Variants in TMEM132D observed in about 807,000 individuals in gnomAD.
The protein encoded by TMEM132D is mature OL transmembrane protein.
Under a neutral mutation model 62.3 loss-of-function variants are expected in TMEM132D, and 21 were observed. That is an observed-to-expected ratio of 0.34 (90% CI 0.24 to 0.49). TMEM132D has a LOEUF of 0.49. Among genes scored for constraint, TMEM132D ranks in the 20% least tolerant of loss-of-function variants. The pLI is 0.99. For synonymous variants in TMEM132D, 621 were observed against 575.6 expected (o/e 1.08, Z -1.13); for missense variants, 1,346 against 1,402.8 (o/e 0.96, Z 0.65).
intron 3 of TMEM132D, among the ~76,000 whole-genome samples, chr12:129,380,512 A>C (rs116246290): frequency 0.014 from 2,121 of 152,238 alleles, 27 homozygotes; most frequent in Middle Eastern, 0.041. Context: ...TATGGACACT[A>C]AGATAATCCA....
intron 1 of TMEM132D, among the ~76,000 whole-genome samples, chr12:129,793,068 T>C (rs68133573): frequency 1.4e-5 from 2 of 148,064 alleles, no homozygotes; most frequent in African/African-American, 2.5e-5. Flanking sequence ...TTAATGCTTT[T>C]TATTCTTTTT....
At chr12:129,768,291 C>T (rs1437000191) in intron 1 of TMEM132D, among the ~76,000 whole-genome samples, 1 of 151,976 alleles carries the variant, frequency 6.6e-6, no homozygotes, top group East Asian at 1.9e-4. Context: ...TAAGGAAATG[C>T]CATATTGTTT....
chr12:129,804,596 C>G, intron 1 of TMEM132D, among the ~76,000 whole-genome samples: 1 of 139,498 alleles, frequency 7.2e-6, no homozygotes. Flanking sequence ...ACTGAATGGG[C>G]AAAAACTGGA....
chr12:129,270,629 C>T (rs1457552590), intron 4 of TMEM132D, among the ~76,000 whole-genome samples: 1 of 152,166 alleles, frequency 6.6e-6, no homozygotes, highest in South Asian at 2.1e-4. Flanking sequence ...TACATCCTTA[C>T]AGTCAAAGTT....
chr12:129,571,291 C>T (rs890177014), intron 2 of TMEM132D, among the ~76,000 whole-genome samples: 11 of 152,230 alleles, frequency 7.2e-5, no homozygotes, highest in South Asian at 4.1e-4. Flanking sequence ...TAAGGCCGGG[C>T]GTGGTGGTTC....
At chr12:129,510,063 C>T (rs958954326) in intron 3 of TMEM132D, among the ~76,000 whole-genome samples, 1 of 152,248 alleles carries the variant, frequency 6.6e-6, no homozygotes, top group East Asian at 1.9e-4. Context: ...TGCATAGTGG[C>T]TGTATTGATT....
At chr12:129,463,111 G>C (rs558318144) in intron 3 of TMEM132D, among the ~76,000 whole-genome samples, 23 of 152,294 alleles carry the variant, frequency 1.5e-4, no homozygotes, top group African/African-American at 5.5e-4. Context: ...GATTGTTCTG[G>C]AGAAGAGCGC....
intron 4 of TMEM132D, among the ~76,000 whole-genome samples, chr12:129,220,173 A>G (rs1315512986): frequency 6.6e-6 from 1 of 152,180 alleles, no homozygotes; most frequent in East Asian, 1.9e-4. Flanking sequence ...TTGAAGAAAC[A>G]GATTTCAGCT....
chr12:129,267,244 G>A (rs966870485), intron 4 of TMEM132D, among the ~76,000 whole-genome samples: 2 of 152,054 alleles, frequency 1.3e-5, no homozygotes, highest in Non-Finnish European at 2.9e-5. Context: ...AAGTCAAATT[G>A]TCCCTGTTTG....
chr12:129,890,542 G>C (rs990703742), intron 1 of TMEM132D, among the ~76,000 whole-genome samples: 4 of 152,180 alleles, frequency 2.6e-5, no homozygotes, highest in African/African-American at 9.6e-5. Flanking sequence ...AGTGGGATCT[G>C]TTGTCAGCAG....
chr12:129,309,863 G>A (rs1229661725), intron 4 of TMEM132D, among the ~76,000 whole-genome samples: 1 of 152,046 alleles, frequency 6.6e-6, no homozygotes, highest in Admixed American at 6.5e-5. Flanking sequence ...AAAACTATAA[G>A]AAAATAGATA....
intron 5 of TMEM132D, among the ~76,000 whole-genome samples, chr12:129,107,319 C>T (rs1398706396): frequency 6.6e-6 from 1 of 152,166 alleles, no homozygotes; most frequent in African/African-American, 2.4e-5. Flanking sequence ...CAGATAATGT[C>T]ACGTACATAC....
intron 4 of TMEM132D, among the ~76,000 whole-genome samples, chr12:129,301,077 T>C (rs929225951): frequency 6.6e-6 from 1 of 152,166 alleles, no homozygotes. Context: ...AGTCAACACT[T>C]ACACGTTCCA....
chr12:129,649,846 ATGTT>A (rs1471677969), intron 2 of TMEM132D, among the ~76,000 whole-genome samples: 14 of 147,720 alleles, frequency 9.5e-5, no homozygotes, highest in African/African-American at 3.4e-4. Flanking sequence ...ATGTATTTGT[ATGTT>A]TGTATATGTG....
chr12:129,885,660 T>C lies in TMEM132D; in HGVS notation c.79+17601A>G, dbSNP rs544231716. On this transcript the variant is annotated intron_variant, in intron 1 of 8. Coordinates refer to ENST00000422113, the MANE Select transcript of TMEM132D (RefSeq NM_133448.3). ...AACACTTTTTAAACTCTGTACCCAC[T>C]TGCAAATTTCAAAAGTGGTATCTAA... 3.9e-5 allele frequency among the ~76,000 whole-genome samples: 6 copies of C among 152,356 alleles called. No homozygotes were observed. In the South Asian group the frequency reaches 1.2e-3, roughly 32 times the overall value.
intron 2 of TMEM132D, among the ~76,000 whole-genome samples, chr12:129,633,155 G>A (rs959671783): frequency 1.3e-5 from 2 of 152,150 alleles, no homozygotes; most frequent in Non-Finnish European, 2.9e-5. Context: ...CAAAATTCAT[G>A]TACAAAGAGA....
At chr12:129,423,945 C>T (rs1872401507) in intron 3 of TMEM132D, among the ~76,000 whole-genome samples, 1 of 152,094 alleles carries the variant, frequency 6.6e-6, no homozygotes, top group Non-Finnish European at 1.5e-5. Flanking sequence ...GTTAGGCTGC[C>T]CAGGTAGCTT....
At chr12:129,688,365 C>T (rs990374293) in intron 2 of TMEM132D, among the ~76,000 whole-genome samples, 2 of 152,118 alleles carry the variant, frequency 1.3e-5, no homozygotes, top group African/African-American at 2.4e-5. Flanking sequence ...AGAATCACTG[C>T]GAGAGCTTTT....
chr12:129,784,458 T>C (rs532788303), intron 1 of TMEM132D, among the ~76,000 whole-genome samples: 342 of 152,354 alleles, frequency 2.2e-3, no homozygotes, highest in Non-Finnish European at 4.0e-3. Context: ...TTAATGTTTT[T>C]CAGACTTATT....
Sources: allele counts gnomAD v4.1 joint callset (sites outside exome capture counted in the v4.1 genomes callset), GRCh38; gene constraint gnomAD v4.1.1; transcripts MANE v1.5; gene names NCBI Gene and HGNC (gene_info 2026-07-23, HGNC 2026-07-21).